Variants in CUL3 observed in about 807,000 individuals in gnomAD.
CUL3 encodes cullin-3.
A neutral mutation model predicts 89.1 loss-of-function variants in CUL3; 19 were observed. The ratio of observed to expected loss-of-function variants is 0.21; its 90% confidence interval spans 0.15 to 0.31. CUL3 has a LOEUF of 0.31. Among genes scored for constraint, CUL3 ranks in the 10% least tolerant of loss-of-function variants. The probability of loss-of-function intolerance (pLI) is 1.00; values close to 1 mark genes in which losing one functional copy is unlikely to be tolerated. For synonymous variants in CUL3, 351 were observed against 308.4 expected, an observed-to-expected ratio of 1.14 and a Z score of -1.45; for missense variants, 469 against 942.3, an observed-to-expected ratio of 0.50 and a Z score of 6.58.
At chr2:224,584,753 G>C (rs1348205696) in intron 1 of CUL3, among the ~76,000 whole-genome samples, 191 bp downstream of exon 1, 1 of 146,172 alleles carries the variant, frequency 6.8e-6, no homozygotes, top group Admixed American at 6.8e-5. Flanking sequence ...CGCGGGGAAC[G>C]GCCCGGGAGG....
chr2:224,520,988 G>A (rs1000355542), intron 3 of CUL3, among the ~76,000 whole-genome samples: 6 of 152,214 alleles, frequency 3.9e-5, no homozygotes, highest in Middle Eastern at 3.4e-3. Context: ...CTTAAAGTGC[G>A]CTAAATAGTT....
chr2:224,471,232 A>AT lies in CUL3; in HGVS notation c.*3012dup. ...GATATGCAACAGCTTTCCTTCCAAG[A>AT]TTGACACAATATACCATATACTCTA... On this transcript the variant is annotated 3_prime_UTR_variant, in exon 16 of 16. Coordinates refer to ENST00000264414, the MANE Select transcript of CUL3 (RefSeq NM_003590.5). The AT allele has an allele frequency of 4.8e-6, 1 of 210,316 alleles. No homozygotes were observed. Among genetic ancestry groups the AT allele is most frequent in the Non-Finnish European group, 9.7e-6 (1 of 103,602 alleles). 13.0% of individuals were successfully genotyped at this position (210,316 alleles called of 1,614,324 possible). A position where few individuals can be genotyped will look rare whatever the true frequency, so the allele number is the denominator to read the frequency against.
chr2:224,488,689 A>G (rs1234667943), intron 13 of CUL3, among the ~76,000 whole-genome samples: 1 of 152,236 alleles, frequency 6.6e-6, no homozygotes, highest in Non-Finnish European at 1.5e-5. Flanking sequence ...AAGTACAAAG[A>G]GGAGCTGGTA....
chr2:224,526,509 C>T (rs1404008819), intron 3 of CUL3, among the ~76,000 whole-genome samples: 1 of 149,788 alleles, frequency 6.7e-6, no homozygotes, highest in Non-Finnish European at 1.5e-5. Flanking sequence ...TCGCTTGAAC[C>T]CAGGAGGCGA....
chr2:224,567,364 T>C (rs575354516), intron 1 of CUL3, among the ~76,000 whole-genome samples: 2 of 152,324 alleles, frequency 1.3e-5, no homozygotes, highest in Non-Finnish European at 2.9e-5. Context: ...ACTACCGTTG[T>C]GTGCCACCAT....
chr2:224,535,416 C>T, intron 3 of CUL3, 112 bp downstream of exon 3: 5 of 624,122 alleles, frequency 8.0e-6, no homozygotes, highest in Non-Finnish European at 1.4e-5. Context: ...ATGATATGCC[C>T]ACCTTGGCCT....
At chr2:224,529,806 A>G (rs1693623390) in intron 3 of CUL3, among the ~76,000 whole-genome samples, 1 of 152,188 alleles carries the variant, frequency 6.6e-6, no homozygotes, top group Non-Finnish European at 1.5e-5. Flanking sequence ...GAACCTGCCA[A>G]ACAACAAAGT....
chr2:224,518,694 T>C (rs1402890732), intron 3 of CUL3, among the ~76,000 whole-genome samples: 8 of 152,178 alleles, frequency 5.3e-5, no homozygotes, highest in Admixed American at 5.2e-4. Context: ...GTAAAACAAA[T>C]GGCTGGTAAA....
At chr2:224,486,583 GAACA>G (rs56975764) in intron 13 of CUL3, among the ~76,000 whole-genome samples, 38,910 of 151,470 alleles carry the variant, frequency 0.26, 5,681 homozygotes, top group African/African-American at 0.4. Context: ...GAATGAAAAG[GAACA>G]AACAAAGCCT....
At chr2:224,574,496 G>C (rs751716494) in intron 1 of CUL3, among the ~76,000 whole-genome samples, 2 of 152,104 alleles carry the variant, frequency 1.3e-5, no homozygotes, top group African/African-American at 2.4e-5. Context: ...TAAAGCAATG[G>C]TTAACAGCAT....
Position 224,470,476 on chromosome 2 carries a change from T to C in CUL3, c.*3769A>G, listed in dbSNP as rs1373920269. The C allele has an allele frequency of 8.7e-6, 2 of 230,084 alleles. No individual in the cohort carries two copies. The highest frequency in any genetic ancestry group is 1.7e-5 in the Non-Finnish European group (2 of 116,528). The allele number at this position is 230,084 out of a possible 1,614,324, so 14.3% of individuals were successfully genotyped here. A position where few individuals can be genotyped will look rare whatever the true frequency, so the allele number is the denominator to read the frequency against. Reference sequence around the variant, plus strand: ...GAGCTGGCGTAATGGCCAATCTCTGTATCATTACCTGTTAAATTTATCTGC... The same window carrying C: ...GAGCTGGCGTAATGGCCAATCTCTGCATCATTACCTGTTAAATTTATCTGC... On this transcript the variant is annotated 3_prime_UTR_variant, in exon 16 of 16. Transcript: ENST00000264414.
chr2:224,538,455 T>C (rs1355774996), intron 2 of CUL3, among the ~76,000 whole-genome samples: 4 of 152,124 alleles, frequency 2.6e-5, no homozygotes, highest in Non-Finnish European at 4.4e-5. Flanking sequence ...TATAAAAAAA[T>C]TGAAAAAGAA....
chr2:224,492,844 G>A (rs910964243), intron 13 of CUL3, among the ~76,000 whole-genome samples: 4 of 152,126 alleles, frequency 2.6e-5, no homozygotes, highest in African/African-American at 9.7e-5. Flanking sequence ...GTCTTCCAGG[G>A]AAAGATCAAA....
Position 224,506,865 on chromosome 2 carries a change from T to A in CUL3, c.1022A>T (p.Tyr341Phe). Residue 341 changes from tyrosine to phenylalanine, a missense_variant, in exon 7 of 16, where the codon TAT (tyrosine) becomes TTT (phenylalanine). Around this residue, in one of 4 missense-constraint regions of CUL3, gnomAD observed 370 missense variants for 733.2 expected, o/e 0.50. Transcript: ENST00000264414. ...EEGEGKNPVD[Y>F]IQGLLDLKSR... ...TCTTCTGGGTTTACTTACCTGGATA[T>A]AGTCAACAGGATTCTTTCCTTCTCC... The A allele has an allele frequency of 6.2e-7, 1 of 1,612,960 alleles. No individual in the cohort carries two copies. The highest frequency in any genetic ancestry group is 8.5e-7 in the Non-Finnish European group (1 of 1,179,554).
intron 1 of CUL3, among the ~76,000 whole-genome samples, chr2:224,577,839 G>A (rs1297356560): frequency 6.6e-6 from 1 of 152,124 alleles, no homozygotes; most frequent in African/African-American, 2.4e-5. Context: ...GTAAGATACT[G>A]CTACACAGAA....
intron 2 of CUL3, among the ~76,000 whole-genome samples, chr2:224,556,982 C>T (rs1305995232): frequency 1.3e-5 from 2 of 152,034 alleles, no homozygotes; most frequent in Admixed American, 6.6e-5. Context: ...CCCAATACCA[C>T]ATAAAGACTA....
chr2:224,488,082 G>C (rs573363492), intron 13 of CUL3, among the ~76,000 whole-genome samples: 47 of 152,166 alleles, frequency 3.1e-4, no homozygotes, highest in African/African-American at 1.1e-3. Flanking sequence ...AGAATCTCTG[G>C]GACACGGCTA....
intron 1 of CUL3, among the ~76,000 whole-genome samples, chr2:224,579,144 T>C (rs1695377810): frequency 6.6e-6 from 1 of 152,348 alleles, no homozygotes; most frequent in Middle Eastern, 3.4e-3. Flanking sequence ...ACTTTGTTAA[T>C]AACAACCGTA....
chr2:224,491,728 C>T (rs909327979), intron 13 of CUL3, among the ~76,000 whole-genome samples: 1 of 152,106 alleles, frequency 6.6e-6, no homozygotes, highest in African/African-American at 2.4e-5. Context: ...GCATTAAGGG[C>T]AATCCATTCT....
Sources: allele counts gnomAD v4.1 joint callset (sites outside exome capture counted in the v4.1 genomes callset), GRCh38; gene constraint gnomAD v4.1.1; regional missense constraint gnomAD v4.1.1; transcripts MANE v1.5; gene names NCBI Gene and HGNC (gene_info 2026-07-23, HGNC 2026-07-21).